Variants in KIAA1755 observed in about 807,000 individuals in gnomAD.
The protein encoded by KIAA1755 is uncharacterized protein KIAA1755.
A neutral mutation model predicts 91.7 loss-of-function variants in KIAA1755; 68 were observed. That is an observed-to-expected ratio of 0.74 (90% CI 0.61 to 0.91). KIAA1755 has a LOEUF of 0.91. Among genes scored for constraint, KIAA1755 ranks in the 40% least tolerant of loss-of-function variants. KIAA1755 has a pLI of 0.00. For missense variants in KIAA1755, 1,535 were observed against 1,494.4 expected (o/e 1.03, Z -0.45); for synonymous variants, 610 against 604.6 (o/e 1.01, Z -0.13).
chr20:38,216,240 C>T (rs1330527038), intron 13 of KIAA1755, among the ~76,000 whole-genome samples: 2 of 152,236 alleles, frequency 1.3e-5, no homozygotes, highest in Non-Finnish European at 2.9e-5. Context: ...CCGCCTGTAT[C>T]GTGCTCTTAA....
At chr20:38,217,110 G>T (rs1337256513) in intron 13 of KIAA1755, 143 bp downstream of exon 13, 6 of 696,902 alleles carry the variant, frequency 8.6e-6, no homozygotes, top group African/African-American at 3.5e-5. Flanking sequence ...AGTGGGTGGG[G>T]GGGGGCTGTG....
chr20:38,239,838 C>A, intron 3 of KIAA1755, 113 bp from the exon 4 acceptor site: 1 of 987,474 alleles, frequency 1.0e-6, no homozygotes, highest in Non-Finnish European at 1.5e-6. Flanking sequence ...CTATTGATCT[C>A]TCCCATGTGC....
rs562711069 is a variant in KIAA1755 at position 38,238,744 on chromosome 20, C to T, written c.1747+784G>A. Among the ~76,000 whole-genome samples the T allele has an allele frequency of 2.0e-5, 3 of 152,322 alleles. No individual in the cohort carries two copies. In the South Asian group the frequency reaches 6.2e-4, roughly 32 times the overall value. On this transcript the variant is annotated intron_variant, in intron 4 of 13. Transcript: ENST00000279024. ...CTTGTTCTCTTATGAATCGCCAGTG[C>T]TAAGCCCAGGAACCAGTAAATGTCT...
chr20:38,219,793 A>C, intron 10 of KIAA1755, 25 bp from the exon 11 acceptor site: 1 of 1,613,520 alleles, frequency 6.2e-7, no homozygotes, highest in Admixed American at 1.7e-5. Flanking sequence ...GAGGTGAGAA[A>C]AGGCCTCTGT....
At chr20:38,256,680 G>A (rs1414029290) in intron 1 of KIAA1755, among the ~76,000 whole-genome samples, 1 of 152,102 alleles carries the variant, frequency 6.6e-6, no homozygotes, top group Non-Finnish European at 1.5e-5. Flanking sequence ...GCACGCACCT[G>A]TAGTCCTAGC....
intron 5 of KIAA1755, among the ~76,000 whole-genome samples, chr20:38,230,469 G>A (rs144697170): frequency 1.5e-4 from 23 of 152,246 alleles, no homozygotes; most frequent in South Asian, 8.3e-4. Context: ...TGTTATCACC[G>A]GGAAATTTGT....
chr20:38,252,280 G>C (rs903858664), intron 1 of KIAA1755, among the ~76,000 whole-genome samples: 7 of 152,144 alleles, frequency 4.6e-5, no homozygotes, highest in Admixed American at 2.0e-4. Context: ...GTCAGCCCAA[G>C]CTTAAGTCCC....
chr20:38,239,598 G>A lies in KIAA1755; in HGVS notation c.1677C>T (p.Pro559=), dbSNP rs139466067. Residue 559 remains proline (P), a synonymous_variant, in exon 4 of 14, where the codon CCC becomes CCT. Transcript: ENST00000279024. ...PERGPTLEEE[P]PGPEPRIGAL... ...CCCCAATCCTGGGCTCAGGCCCTGG[G>A]GGCTCCTCCTCCAGGGTGGGGCCTC... The A allele has an allele frequency of 3.6e-4, 581 of 1,607,980 alleles. No homozygotes were observed. Among genetic ancestry groups the A allele is most frequent in the Admixed American group, 5.7e-4 (33 of 58,328 alleles).
chr20:38,218,366 C>G lies in KIAA1755; in HGVS notation c.2557G>C (p.Val853Leu), dbSNP rs1215457218. 1 of 1,614,076 alleles carries G rather than the reference C, an allele frequency of 6.2e-7. No homozygotes were observed. Among genetic ancestry groups the G allele is most frequent in the Non-Finnish European group, 8.5e-7 (1 of 1,180,012 alleles). The change falls in exon 12 of 14, where the codon GTC (valine) becomes CTC (leucine). Residue 853 changes from valine to leucine, a missense_variant and splice_region_variant. Transcript: ENST00000279024. Reference sequence around the variant, plus strand: ...CCTTCCTGCTCCATCCAGTCGCTGACCTGGGGCAGGAGAGGCAGATTTGGA... The same window carrying G: ...CCTTCCTGCTCCATCCAGTCGCTGAGCTGGGGCAGGAGAGGCAGATTTGGA... ...LGRLEAAIHQ[V>L]SDWMEQEGRR... is the part of the protein sequence containing the mutation.
intron 1 of KIAA1755, among the ~76,000 whole-genome samples, chr20:38,255,281 A>G (rs1401038516): frequency 6.6e-6 from 1 of 152,178 alleles, no homozygotes; most frequent in Non-Finnish European, 1.5e-5. Context: ...GGGGCCTGAC[A>G]GGTAACATGA....
chr20:38,259,585 G>A (rs1364586092), intron 1 of KIAA1755, among the ~76,000 whole-genome samples: 2 of 108 alleles, frequency 0.019, no homozygotes, highest in Middle Eastern at 0.5. Context: ...TCTGCTTGTG[G>A]AGATGCATTT....
At chr20:38,214,663 C>G (rs768978920) in intron 13 of KIAA1755, among the ~76,000 whole-genome samples, 16 of 152,186 alleles carry the variant, frequency 1.1e-4, no homozygotes, top group Non-Finnish European at 1.8e-4. Flanking sequence ...TGTGCCCTCA[C>G]CATCACACCT....
chr20:38,222,977 C>T (rs2075689170), intron 9 of KIAA1755: 1 of 321,920 alleles, frequency 3.1e-6, no homozygotes, highest in South Asian at 2.8e-5. Context: ...GAATCCCAGC[C>T]CAACTCTTCC....
In KIAA1755 at chr20:38,246,055, T is replaced by A; in HGVS notation, c.75A>T (p.Ala25=). The change falls in exon 2 of 14, where the codon GCA becomes GCT. Residue 25 remains alanine (A), a synonymous_variant. Transcript: ENST00000279024. Reference sequence around the variant, plus strand: ...GGAACACCTGACCCAGGACGGTGGGTGCTGTGGCCTCGAAAGGAGGATAGA... The same window carrying A: ...GGAACACCTGACCCAGGACGGTGGGAGCTGTGGCCTCGAAAGGAGGATAGA... The part of the protein sequence containing the change: ...AGLYPPFEAT[A]PTVLGQVFRL... The A allele has an allele frequency of 6.2e-7, 1 of 1,613,838 alleles. No homozygotes were observed. Among genetic ancestry groups the A allele is most frequent in the Non-Finnish European group, 8.5e-7 (1 of 1,179,950 alleles).
Position 38,246,035 on chromosome 20 carries a change from A to C in KIAA1755, c.95T>G (p.Val32Gly). 6.2e-7 allele frequency: 1 copy of C among 1,614,142 alleles called. No homozygotes were observed. The highest frequency in any genetic ancestry group is 1.7e-5 in the Admixed American group (1 of 60,024). ...GAAGCCAGAGTCCAGGAGACGGAACACCTGACCCAGGACGGTGGGTGCTGT... is the reference window on the plus strand; with the variant it reads ...GAAGCCAGAGTCCAGGAGACGGAACCCCTGACCCAGGACGGTGGGTGCTGT... ...EATAPTVLGQ[V>G]FRLLDSGFQG... The change falls in exon 2 of 14, where the codon GTG (valine) becomes GGG (glycine). Residue 32 changes from valine (V) to glycine (G), a missense_variant. Transcript: ENST00000279024.
chr20:38,242,038 GAT>G, intron 2 of KIAA1755, 109 bp from the exon 3 acceptor site: 8 of 1,130,294 alleles, frequency 7.1e-6, no homozygotes, highest in Non-Finnish European at 8.8e-6. Flanking sequence ...CAGGGACTAG[GAT>G]GAGGCAGCAT....
At chr20:38,253,545 T>C (rs936045542) in intron 1 of KIAA1755, among the ~76,000 whole-genome samples, 15 of 152,132 alleles carry the variant, frequency 9.9e-5, no homozygotes, top group South Asian at 4.1e-4. Context: ...CCCCTGACTA[T>C]TGGAATTTTT....
chr20:38,240,967 C>T lies in KIAA1755; in HGVS notation c.1164G>A (p.Arg388=), dbSNP rs2076049226. The T allele has an allele frequency of 2.5e-6, 4 of 1,613,974 alleles. No individual in the cohort carries two copies. In the East Asian group the frequency reaches 8.9e-5, roughly 36 times the overall value. ...CAGCTGGCTCTTGTGAGACACCTGC[C>T]CTGAGACCAGAGGCACAGTCCAGTG... ...EDALDCASGL[R]AGVSQEPAAS... The change falls in exon 3 of 14, where the codon AGG becomes AGA. Residue 388 remains arginine (R), a synonymous_variant. Transcript: ENST00000279024.
chr20:38,219,333 T>C (rs1475816042), intron 11 of KIAA1755, among the ~76,000 whole-genome samples: 4 of 152,184 alleles, frequency 2.6e-5, no homozygotes, highest in Admixed American at 2.6e-4. Context: ...TCCTAGCACC[T>C]TCCCCATGAG....
Sources: gnomAD v4.1 joint callset for allele counts (sites outside exome capture counted in the v4.1 genomes callset) on GRCh38, gnomAD v4.1.1 for gene constraint, MANE v1.5 for transcripts, NCBI Gene and HGNC (gene_info 2026-07-23, HGNC 2026-07-21) for gene names.